The following CCDC47 variants were observed in gnomAD, a reference collection of about 807,000 sequenced individuals.
CCDC47 encodes coiled-coil domain containing 47.
Under a neutral mutation model 60.5 loss-of-function variants are expected in CCDC47, and 41 were observed. The ratio of observed to expected loss-of-function variants is 0.68; its 90% confidence interval spans 0.53 to 0.88. The LOEUF (loss-of-function observed/expected upper bound fraction) is 0.88, where lower values mean the gene tolerates loss of function less well. Ranked by LOEUF, CCDC47 falls within the 40% of genes least tolerant of loss-of-function variation. The probability of loss-of-function intolerance (pLI) is 0.00; values close to 1 mark genes in which losing one functional copy is unlikely to be tolerated. For missense variants in CCDC47, 513 were observed against 580.9 expected (o/e 0.88, Z 1.20); for synonymous variants, 195 against 190.7 (o/e 1.02, Z -0.18).
chr17:63,764,870 G>T, intron 2 of CCDC47, 23 bp from the exon 3 acceptor site: 1 of 1,601,204 alleles, frequency 6.2e-7, no homozygotes, highest in South Asian at 1.1e-5. Flanking sequence ...GGCATCATCC[G>T]TTTTCCTCTA....
At chr17:63,758,344 G>A (rs1045039515) in intron 6 of CCDC47, among the ~76,000 whole-genome samples, 2 of 152,072 alleles carry the variant, frequency 1.3e-5, no homozygotes, top group Non-Finnish European at 2.9e-5. Context: ...CCTTTAATCT[G>A]TAGGATTTGA....
At chr17:63,753,553 G>A (rs976115668) in intron 9 of CCDC47, 5 of 765,148 alleles carry the variant, frequency 6.5e-6, no homozygotes, top group East Asian at 2.6e-4. Context: ...GTTTCAAACC[G>A]AGCATAAAGG....
At chr17:63,751,029 T>G (rs1436301810) in intron 12 of CCDC47, among the ~76,000 whole-genome samples, 1 of 126,610 alleles carries the variant, frequency 7.9e-6, no homozygotes, top group Non-Finnish European at 1.6e-5. Flanking sequence ...TATGCACCAC[T>G]ATGCACAGCT....
intron 1 of CCDC47, among the ~76,000 whole-genome samples, chr17:63,773,151 GTT>G (rs2039364019): frequency 6.6e-6 from 1 of 152,194 alleles, no homozygotes. Flanking sequence ...GGCCACAGAG[GTT>G]TTTGCTTCTA....
chr17:63,747,337 G>A, intron 12 of CCDC47: 1 of 982,790 alleles, frequency 1.0e-6, no homozygotes, highest in Non-Finnish European at 1.2e-6. Context: ...ACTGCCAGAA[G>A]ATACATTCTA....
At chr17:63,750,591 T>TG (rs2039155409) in intron 12 of CCDC47, among the ~76,000 whole-genome samples, 1 of 138,236 alleles carries the variant, frequency 7.2e-6, no homozygotes, top group African/African-American at 2.5e-5. Flanking sequence ...GTCCTCTCCC[T>TG]TTTTTTTTTT....
At chr17:63,768,466 C>G (rs929306861) in intron 1 of CCDC47, among the ~76,000 whole-genome samples, 2 of 152,018 alleles carry the variant, frequency 1.3e-5, no homozygotes, top group African/African-American at 4.8e-5. Flanking sequence ...GGTGAGTGAA[C>G]TGCTCGAGCC....
Position 63,764,774 on chromosome 17 carries a change from G to A in CCDC47, c.338C>T (p.Ser113Phe), listed in dbSNP as rs1476808991. The A allele has an allele frequency of 6.2e-7, 1 of 1,613,080 alleles. No homozygotes were observed. Among genetic ancestry groups the A allele is most frequent in the African/African-American group, 1.3e-5 (1 of 74,834 alleles). ...EGYEDKPDTS[S>F]SKNKDPITIV... Reference sequence around the variant, plus strand: ...CGTTATTGGGTCTTTATTTTTGCTAGAAGAAGTATCTGGTTTGTCTTCATA... The same window carrying A: ...CGTTATTGGGTCTTTATTTTTGCTAAAAGAAGTATCTGGTTTGTCTTCATA... The change falls in exon 3 of 13, where the codon TCT (serine) becomes TTT (phenylalanine). Residue 113 changes from serine (S) to phenylalanine (F), a missense_variant. By Grantham distance (155) the Ser-to-Phe change is radical. Transcript: ENST00000225726.
At chr17:63,765,750 A>G in intron 2 of CCDC47, 162 bp downstream of exon 2, 1 of 1,403,836 alleles carries the variant, frequency 7.1e-7, no homozygotes, top group Non-Finnish European at 9.4e-7. Flanking sequence ...TGTTAATGTA[A>G]AAGGTGGAAA....
Position 63,759,507 on chromosome 17 carries a change from AAATATATATATATATATATTTATATATAT to A in CCDC47, c.735+1378_735+1406del, listed in dbSNP as rs1299499498. On this transcript the variant is annotated intron_variant, in intron 6 of 12. Coordinates refer to ENST00000225726, the MANE Select transcript of CCDC47 (RefSeq NM_020198.3). ...CTGTCTCCCAAAAAAAAAAAAAAAAAAATATATATATATATATATTTATATATATATATATATATATATATATATATATA... is the reference window on the plus strand; with the variant it reads ...CTGTCTCCCAAAAAAAAAAAAAAAAAATATATATATATATATATATATATA... Among the ~76,000 whole-genome samples the A allele has an allele frequency of 7.8e-3, 174 of 22,188 alleles. 38 individuals carry two copies. In the African/African-American group the frequency reaches 0.088, roughly 11 times the overall value. 14.6% of individuals were successfully genotyped at this position (22,188 alleles called of 152,430 possible).
In CCDC47 at chr17:63,761,373, G is replaced by A. The variant is rs548212853; in HGVS notation, c.548-22C>T. The A allele has an allele frequency of 6.8e-6, 11 of 1,613,208 alleles. No individual in the cohort carries two copies. The South Asian group carries it at 1.2e-4, about 18-fold the overall frequency. ...TCCCCTAGGGGTAAAACCACTTAAT[G>A]TGACTCAACAGAAAATGTCAAGGCC... On this transcript the variant is annotated intron_variant, in intron 4 of 12. Transcript: ENST00000225726.
chr17:63,766,085 T>A lies in CCDC47; in HGVS notation c.91A>T (p.Ile31Leu). ...KFDDFEDEEDIVEYDDNDFAE... is the reference protein window; with the variant it reads ...KFDDFEDEEDLVEYDDNDFAE... ...AAGTCATTATCATCATACTCTACTA[T>A]GTCCTCCTCATCCTCAAAATCATCA... The change falls in exon 2 of 13, where the codon ATA becomes TTA. Residue 31 changes from isoleucine to leucine, a missense_variant. Physicochemically the swap from Ile to Leu is conservative, Grantham distance 5. Coordinates refer to ENST00000225726, the MANE Select transcript of CCDC47 (RefSeq NM_020198.3). The A allele has an allele frequency of 6.2e-7, 1 of 1,614,096 alleles. No homozygotes were observed. The highest frequency in any genetic ancestry group is 8.5e-7 in the Non-Finnish European group (1 of 1,180,004).
intron 8 of CCDC47, 32 bp from the exon 9 acceptor site, chr17:63,754,550 C>G (rs781664906): frequency 6.9e-7 from 1 of 1,451,180 alleles, no homozygotes; most frequent in South Asian, 1.2e-5. Context: ...TTTTTAAAAG[C>G]AAGGTTTAAT....
At chr17:63,771,806 G>A (rs1225843688) in intron 1 of CCDC47, among the ~76,000 whole-genome samples, 1 of 152,160 alleles carries the variant, frequency 6.6e-6, no homozygotes, top group East Asian at 1.9e-4. Flanking sequence ...TCTAGGCCAG[G>A]CGTGGTGGTC....
At chr17:63,755,399 C>T (rs1170807078) in intron 8 of CCDC47, 1 of 446,640 alleles carries the variant, frequency 2.2e-6, no homozygotes, top group Non-Finnish European at 2.9e-6. Context: ...GTGGGTGGAT[C>T]ACTTGAGGCC....
At position 63,750,064 on chromosome 17, in the gene CCDC47, G is replaced by A. The variant is rs546222702; in HGVS notation, c.1371+1876C>T. On this transcript the variant is annotated intron_variant, in intron 12 of 12. Coordinates refer to ENST00000225726, the MANE Select transcript of CCDC47 (RefSeq NM_020198.3). ...TTGAGTTCACCAGATCTTTTTACAA[G>A]GTGCCCAGACCAGATACTATAAAGT... Among the ~76,000 whole-genome samples the A allele has an allele frequency of 3.3e-5, 5 of 152,252 alleles. No homozygotes were observed. In the South Asian group the frequency reaches 8.3e-4, roughly 25 times the overall value.
intron 9 of CCDC47, 133 bp downstream of exon 9, chr17:63,754,300 A>C: frequency 1.5e-6 from 1 of 657,830 alleles, no homozygotes; most frequent in Non-Finnish European, 2.8e-6. Flanking sequence ...GTCAAAGCAA[A>C]GGAAAATGTG....
chr17:63,751,211 G>T (rs754078597), intron 12 of CCDC47, among the ~76,000 whole-genome samples: 5 of 150,502 alleles, frequency 3.3e-5, no homozygotes, highest in Non-Finnish European at 7.4e-5. Flanking sequence ...CATTTACAAG[G>T]TCTAAAATTT....
At chr17:63,755,338 G>C (rs962979294) in intron 8 of CCDC47, 9 of 982,822 alleles carry the variant, frequency 9.2e-6, no homozygotes, top group Non-Finnish European at 1.1e-5. Flanking sequence ...TAGTACTCCA[G>C]GCTGGGTGCA....
Sources: allele counts gnomAD v4.1 joint callset (sites outside exome capture counted in the v4.1 genomes callset), GRCh38; gene constraint gnomAD v4.1.1; transcripts MANE v1.5; gene names NCBI Gene and HGNC (gene_info 2026-07-23, HGNC 2026-07-21).